Variants in CDKL4 observed in about 807,000 individuals in gnomAD.
CDKL4 encodes the protein cyclin-dependent kinase-like 4.
CDKL4 carries 44 observed loss-of-function variants against 42.0 expected under a neutral mutation model. That is an observed-to-expected ratio of 1.05 (90% CI 0.82 to 1.35). The LOEUF (loss-of-function observed/expected upper bound fraction) is 1.35. CDKL4 is among the 40% of genes most tolerant of loss of function. The pLI is 0.00. For synonymous variants in CDKL4, 120 were observed against 121.6 expected, an observed-to-expected ratio of 0.99 and a Z score of 0.09; for missense variants, 393 against 369.9, an observed-to-expected ratio of 1.06 and a Z score of -0.51.
At chr2:39,242,378 A>C (rs566867347) in intron 1 of CDKL4, among the ~76,000 whole-genome samples, 60 of 152,292 alleles carry the variant, frequency 3.9e-4, no homozygotes, top group Middle Eastern at 6.8e-3. Context: ...TTTGACCTTC[A>C]AACTGAAGCT....
chr2:39,218,551 C>T (rs1227965544), intron 3 of CDKL4, among the ~76,000 whole-genome samples: 2 of 152,136 alleles, frequency 1.3e-5, no homozygotes, highest in African/African-American at 2.4e-5. Flanking sequence ...GAGGGTGTTT[C>T]TGGAAGGGAT....
intron 3 of CDKL4, among the ~76,000 whole-genome samples, chr2:39,222,950 T>G (rs191836779): frequency 6.6e-6 from 1 of 152,318 alleles, no homozygotes; most frequent in Non-Finnish European, 1.5e-5. Flanking sequence ...TATGCCATTT[T>G]AATTGTTTTT....
At chr2:39,194,749 A>C (rs1399538575) in intron 5 of CDKL4, among the ~76,000 whole-genome samples, 5 of 152,134 alleles carry the variant, frequency 3.3e-5, no homozygotes, top group African/African-American at 1.2e-4. Context: ...TAAAATTTTT[A>C]TCTCTCTGTG....
At chr2:39,190,179 T>C (rs1676090786) in intron 6 of CDKL4, 126 bp downstream of exon 6, 1 of 656,202 alleles carries the variant, frequency 1.5e-6, no homozygotes, top group Non-Finnish European at 2.4e-6. Context: ...ACAACCATCC[T>C]GAGTGACACT....
At chr2:39,184,358 G>A (rs948256317) in intron 8 of CDKL4, among the ~76,000 whole-genome samples, 1 of 152,170 alleles carries the variant, frequency 6.6e-6, no homozygotes, top group South Asian at 2.1e-4. Flanking sequence ...TAGGTCTGGT[G>A]TCTGCATGGC....
At chr2:39,175,314 G>A (rs1033195928), downstream of CDKL4, among the ~76,000 whole-genome samples, 1 of 152,188 alleles carries the variant, frequency 6.6e-6, no homozygotes, top group Admixed American at 6.5e-5. Flanking sequence ...TCAATTATCC[G>A]AGGGCGTTAC....
At chr2:39,215,647 A>C (rs1040745463) in intron 3 of CDKL4, among the ~76,000 whole-genome samples, 1 of 152,238 alleles carries the variant, frequency 6.6e-6, no homozygotes, top group Non-Finnish European at 1.5e-5. Flanking sequence ...GAACATGTGC[A>C]GATGTAGCTG....
chr2:39,178,145 T>C (rs1445204650), intron 9 of CDKL4, among the ~76,000 whole-genome samples: 1 of 152,196 alleles, frequency 6.6e-6, no homozygotes, highest in Non-Finnish European at 1.5e-5. Flanking sequence ...AAATGGCCCA[T>C]GTAATCAAAA....
intron 5 of CDKL4, among the ~76,000 whole-genome samples, chr2:39,196,153 C>A (rs1317364357): frequency 6.6e-6 from 1 of 152,208 alleles, no homozygotes; most frequent in Non-Finnish European, 1.5e-5. Context: ...CAGCTCCTGG[C>A]TGGAGGTCAA....
chr2:39,173,876 G>C (rs1260689827), downstream of CDKL4, among the ~76,000 whole-genome samples: 1 of 151,402 alleles, frequency 6.6e-6, no homozygotes, highest in African/African-American at 2.4e-5. Flanking sequence ...CCAATTACTT[G>C]AGAGACTGAG....
intron 2 of CDKL4, among the ~76,000 whole-genome samples, chr2:39,226,452 T>TATATTATATATATTATAC: frequency 7.1e-6 from 1 of 140,752 alleles, no homozygotes; most frequent in South Asian, 2.2e-4. Context: ...ATATTATATA[T>TATATTATATATATTATAC]ATATTATATA....
At chr2:39,223,290 A>T (rs905325707) in intron 3 of CDKL4, among the ~76,000 whole-genome samples, 5 of 152,014 alleles carry the variant, frequency 3.3e-5, no homozygotes, top group African/African-American at 1.2e-4. Flanking sequence ...CCCTCATCTG[A>T]TTATTTTCTT....
rs1677430059 is a variant in CDKL4, at chr2:39,209,285, C to A, written c.363+4115G>T. ...CGTGAAGGCGCCACTGCATTCTAGC[C>A]TGGGAAACAGAGCAAGATCCTGTCT... On this transcript the variant is annotated intron_variant, in intron 4 of 9. Coordinates refer to ENST00000451199, the Ensembl canonical transcript of CDKL4. Among the ~76,000 whole-genome samples the A allele has an allele frequency of 2.0e-5, 3 of 147,666 alleles. No homozygotes were observed. In the South Asian group the frequency reaches 6.5e-4, roughly 32 times the overall value.
intron 5 of CDKL4, among the ~76,000 whole-genome samples, chr2:39,191,535 T>A (rs1396244849): frequency 6.6e-6 from 1 of 152,202 alleles, no homozygotes; most frequent in African/African-American, 2.4e-5. Context: ...TCTGTTGTTT[T>A]CAGCCACTCA....
At chr2:39,212,301 T>C (rs1677635793) in intron 4 of CDKL4, among the ~76,000 whole-genome samples, 1 of 151,650 alleles carries the variant, frequency 6.6e-6, no homozygotes, top group South Asian at 2.1e-4. Flanking sequence ...TGGCACGATC[T>C]CGGCTCACTG....
chr2:39,222,691 T>C (rs1159969919), intron 3 of CDKL4, among the ~76,000 whole-genome samples: 2 of 152,266 alleles, frequency 1.3e-5, no homozygotes, highest in Non-Finnish European at 2.9e-5. Flanking sequence ...GCTAAGTCTA[T>C]AGACAGGAAA....
At chr2:39,197,948 T>G (rs551289427) in intron 5 of CDKL4, among the ~76,000 whole-genome samples, 3 of 151,194 alleles carry the variant, frequency 2.0e-5, no homozygotes, top group African/African-American at 7.4e-5. Context: ...CCCAGGGTAT[T>G]CAGGTAACAA....
Position 39,225,822 on chromosome 2 carries a change from G to C in CDKL4, c.290+17C>G, listed in dbSNP as rs1182819722. The C allele has an allele frequency of 9.4e-6, 15 of 1,588,224 alleles. No individual in the cohort carries two copies. Among genetic ancestry groups the C allele is most frequent in the Non-Finnish European group, 1.3e-5 (15 of 1,169,674 alleles). On this transcript the variant is annotated intron_variant, in intron 3 of 9. Coordinates refer to ENST00000451199, the Ensembl canonical transcript of CDKL4. ...TGAGAACTGGCTGTACAGAATTTCAGTTTCCAGATTACTTACCCATTTGGG... is the reference window on the plus strand; with the variant it reads ...TGAGAACTGGCTGTACAGAATTTCACTTTCCAGATTACTTACCCATTTGGG...
intron 4 of CDKL4, among the ~76,000 whole-genome samples, chr2:39,212,910 C>T (rs963656970): frequency 2.0e-5 from 3 of 152,230 alleles, no homozygotes; most frequent in Admixed American, 6.5e-5. Flanking sequence ...CATCTGCCCG[C>T]ATTGGCTTCC....
Sources: gnomAD v4.1 joint callset for allele counts (sites outside exome capture counted in the v4.1 genomes callset) on GRCh38, gnomAD v4.1.1 for gene constraint, MANE v1.5 for transcripts, NCBI Gene and HGNC (gene_info 2026-07-23, HGNC 2026-07-21) for gene names.